USP37: variants seen among roughly 807,000 people sequenced by gnomAD.
The protein encoded by USP37 is ubiquitin specific peptidase 37.
In USP37, 27 loss-of-function variants were observed where a neutral mutation model predicts 124.0. The observed-to-expected ratio is 0.22, with a 90% CI of 0.16 to 0.30. The LOEUF (loss-of-function observed/expected upper bound fraction) is 0.30, where lower values mean the gene tolerates loss of function less well. Among genes scored for constraint, USP37 ranks in the 10% least tolerant of loss-of-function variants. The pLI is 1.00. For synonymous variants in USP37, 365 were observed against 388.0 expected (o/e 0.94, Z 0.70); for missense variants, 889 against 1,140.4 (o/e 0.78, Z 3.17).
intron 8 of USP37, among the ~76,000 whole-genome samples, chr2:218,542,595 T>C (rs1196076707): frequency 6.6e-6 from 1 of 152,224 alleles, no homozygotes; most frequent in African/African-American, 2.4e-5. Flanking sequence ...GGTTTTTCTA[T>C]ACAGGGTTTC....
chr2:218,500,814 G>C (rs1689336036), intron 11 of USP37: 1 of 151,542 alleles, frequency 6.6e-6, no homozygotes, highest in Non-Finnish European at 1.5e-5. Flanking sequence ...AGCTTGTTTG[G>C]AGTTTCTAGC....
At chr2:218,536,621 T>C (rs1691663151) in intron 8 of USP37, among the ~76,000 whole-genome samples, 1 of 152,228 alleles carries the variant, frequency 6.6e-6, no homozygotes, top group African/African-American at 2.4e-5. Context: ...CAGGATCACA[T>C]CCATGCTTTG....
intron 16 of USP37, 126 bp downstream of exon 16, chr2:218,485,538 T>C: frequency 9.1e-7 from 1 of 1,101,960 alleles, no homozygotes; most frequent in Middle Eastern, 2.8e-4. Context: ...TACCAATCCA[T>C]TCTGGTAACC....
At chr2:218,490,289 C>T (rs923246925) in intron 14 of USP37, among the ~76,000 whole-genome samples, 4 of 152,022 alleles carry the variant, frequency 2.6e-5, no homozygotes, top group Non-Finnish European at 5.9e-5. Context: ...TGAAGTGAGC[C>T]GAGATCGCAC....
chr2:218,538,662 T>C (rs1023104706), intron 8 of USP37, among the ~76,000 whole-genome samples: 2 of 152,182 alleles, frequency 1.3e-5, no homozygotes, highest in African/African-American at 2.4e-5. Flanking sequence ...GAATGTCCAG[T>C]TGGTTAACAG....
Position 218,474,849 on chromosome 2 carries a change from C to G in USP37, c.2080G>C (p.Glu694Gln). 6.2e-7 allele frequency: 1 copy of G among 1,614,034 alleles called. No homozygotes were observed. The highest frequency in any genetic ancestry group is 8.5e-7 in the Non-Finnish European group (1 of 1,180,024). Residue 694 changes from glutamate (E) to glutamine (Q), a missense_variant, in exon 20 of 26, where the codon GAA becomes CAA. Around this residue, in one of 3 missense-constraint regions of USP37, gnomAD observed 504 missense variants for 714.3 expected, o/e 0.71. Transcript: ENST00000258399. ...CTGTCAAATCCTGAGTTTTCCAATT[C>G]AGACTTGTCAGGCTCTATTGGGCAT... ...KLCPIEPDKS[E>Q]LENSGFDRMS...
intron 23 of USP37, among the ~76,000 whole-genome samples, chr2:218,458,570 G>A (rs1304000655): frequency 2.6e-5 from 4 of 151,790 alleles, no homozygotes; most frequent in African/African-American, 9.7e-5. Flanking sequence ...GCGAGACTCT[G>A]TCTCAAAAAA....
intron 11 of USP37, among the ~76,000 whole-genome samples, chr2:218,501,222 T>G (rs1385644603): frequency 1.3e-5 from 2 of 151,912 alleles, no homozygotes; most frequent in Non-Finnish European, 2.9e-5. Context: ...TATTTTTTTG[T>G]AGAGACAGAA....
chr2:218,514,293 A>G (rs952466411), intron 10 of USP37: 1 of 152,198 alleles, frequency 6.6e-6, no homozygotes, highest in Middle Eastern at 3.2e-3. Flanking sequence ...TATTTTCACT[A>G]AAGTCCTTTT....
intron 1 of USP37, among the ~76,000 whole-genome samples, chr2:218,563,806 C>A (rs113943055): frequency 0.024 from 3,660 of 152,248 alleles, 146 homozygotes; most frequent in African/African-American, 0.084. Context: ...GTAATCCCAG[C>A]ACTTTGGGAG....
chr2:218,476,117 G>A (rs1181033516), intron 19 of USP37, among the ~76,000 whole-genome samples: 1 of 151,938 alleles, frequency 6.6e-6, no homozygotes, highest in African/African-American at 2.4e-5. Context: ...AAATACAGTA[G>A]CATAAGATAA....
At chr2:218,494,706 A>G (rs1688977502) in intron 14 of USP37, among the ~76,000 whole-genome samples, 1 of 152,192 alleles carries the variant, frequency 6.6e-6, no homozygotes, top group African/African-American at 2.4e-5. Context: ...ATTTTATCTG[A>G]AAAAAATCTA....
intron 4 of USP37, among the ~76,000 whole-genome samples, chr2:218,557,321 T>C (rs1693045050): frequency 6.6e-6 from 1 of 152,146 alleles, no homozygotes. Flanking sequence ...CATTTGAATA[T>C]TTACTCACTG....
At chr2:218,550,125 AG>A (rs1692582547) in intron 5 of USP37, among the ~76,000 whole-genome samples, 1 of 152,182 alleles carries the variant, frequency 6.6e-6, no homozygotes, top group Admixed American at 6.5e-5. Flanking sequence ...CAAAAAATTA[AG>A]TAACACATAT....
At chr2:218,481,018 G>A (rs1691246351) in intron 17 of USP37, among the ~76,000 whole-genome samples, 1 of 152,300 alleles carries the variant, frequency 6.6e-6, no homozygotes. Flanking sequence ...CCTCTTAAGG[G>A]TTTGGACAAA....
At chr2:218,460,357 G>A (rs1474215767) in intron 22 of USP37, among the ~76,000 whole-genome samples, 1 of 151,940 alleles carries the variant, frequency 6.6e-6, no homozygotes, top group Non-Finnish European at 1.5e-5. Context: ...AACATAAAAC[G>A]TAATATGACG....
chr2:218,483,816 G>A (rs1691391996), intron 16 of USP37, among the ~76,000 whole-genome samples: 1 of 151,966 alleles, frequency 6.6e-6, no homozygotes, highest in African/African-American at 2.4e-5. Context: ...CCACCTTCCT[G>A]GCCTCAAACC....
chr2:218,524,288 G>A (rs1429686407), intron 10 of USP37, among the ~76,000 whole-genome samples: 1 of 152,074 alleles, frequency 6.6e-6, no homozygotes, highest in African/African-American at 2.4e-5. Context: ...TTGTAGAGAT[G>A]GGGGTCTTGC....
Position 218,476,935 on chromosome 2 carries a change from A to G in USP37, c.1948T>C (p.Ser650Pro). The G allele has an allele frequency of 6.3e-7, 1 of 1,596,966 alleles. No homozygotes were observed. The highest frequency in any genetic ancestry group is 8.5e-7 in the Non-Finnish European group (1 of 1,172,128). ...CGTTTTAGCTCATCCTCACTGTCTG[A>G]ATCAAGGCATAAAGCCAAGGAGCTC... ...SKSSLALCLD[S>P]DSEDELKRSV... The change falls in exon 19 of 26, where the codon TCA becomes CCA. Residue 650 changes from serine to proline, a missense_variant. By Grantham distance (74) the Ser-to-Pro change is moderately conservative. Transcript: ENST00000258399.
Sources: allele counts gnomAD v4.1 joint callset (sites outside exome capture counted in the v4.1 genomes callset), GRCh38; gene constraint gnomAD v4.1.1; regional missense constraint gnomAD v4.1.1; transcripts MANE v1.5; gene names NCBI Gene and HGNC (gene_info 2026-07-23, HGNC 2026-07-21).